The following TANC1 variants were observed in gnomAD, a reference collection of about 807,000 sequenced individuals.
TANC1 encodes the protein protein TANC1.
Under a neutral mutation model 149.7 loss-of-function variants are expected in TANC1, and 77 were observed. That is an observed-to-expected ratio of 0.51 (90% CI 0.43 to 0.62). The LOEUF (loss-of-function observed/expected upper bound fraction) is 0.62. Ranked by LOEUF, TANC1 falls within the 20% of genes least tolerant of loss-of-function variation. TANC1 has a pLI of 0.00. For missense variants in TANC1, 1,985 were observed against 2,321.8 expected (o/e 0.85, Z 2.98); for synonymous variants, 854 against 925.0 (o/e 0.92, Z 1.39).
intron 10 of TANC1, among the ~76,000 whole-genome samples, chr2:159,171,871 A>AAAGAAAAG (rs1553599448): frequency 2.8e-5 from 3 of 105,598 alleles, no homozygotes; most frequent in Non-Finnish European, 6.0e-5. Flanking sequence ...AAAAAAAAAA[A>AAAGAAAAG]AAAAGAAAAA....
At chr2:158,973,966 C>T (rs1483841058) in intron 1 of TANC1, among the ~76,000 whole-genome samples, 2 of 152,190 alleles carry the variant, frequency 1.3e-5, no homozygotes, top group African/African-American at 4.8e-5. Context: ...ATGCTTTGTT[C>T]TAAATTACTT....
chr2:159,049,541 TTAACAAGTCCCCCAGG>T (rs1454096958), intron 2 of TANC1, among the ~76,000 whole-genome samples: 1 of 152,210 alleles, frequency 6.6e-6, no homozygotes, highest in African/African-American at 2.4e-5. Flanking sequence ...AGCCTGCCTC[TTAACAAGTCCCCCAGG>T]TAACTCTGAT....
intron 1 of TANC1, among the ~76,000 whole-genome samples, chr2:158,991,948 T>C (rs980595736): frequency 1.3e-5 from 2 of 152,204 alleles, no homozygotes; most frequent in Non-Finnish European, 2.9e-5. Flanking sequence ...ACCTTTCACA[T>C]ACATTATTTC....
intron 16 of TANC1, among the ~76,000 whole-genome samples, chr2:159,190,497 C>A (rs1382588051): frequency 6.6e-6 from 1 of 152,146 alleles, no homozygotes; most frequent in South Asian, 2.1e-4. Flanking sequence ...ATTCTGTCCA[C>A]GCTGTTACTC....
chr2:159,100,134 G>A (rs1483365719), intron 4 of TANC1, among the ~76,000 whole-genome samples: 1 of 152,176 alleles, frequency 6.6e-6, no homozygotes, highest in African/African-American at 2.4e-5. Flanking sequence ...GCAGAGATTT[G>A]ACCTTTTGTA....
At chr2:159,150,816 C>T (rs1404939274) in intron 7 of TANC1, 9 of 401,804 alleles carry the variant, frequency 2.2e-5, no homozygotes, top group African/African-American at 6.1e-5. Flanking sequence ...CAGATCTGGC[C>T]TGTGAAACAA....
chr2:159,200,132 T>G (rs2058139511), intron 19 of TANC1, among the ~76,000 whole-genome samples: 1 of 152,242 alleles, frequency 6.6e-6, no homozygotes, highest in Non-Finnish European at 1.5e-5. Flanking sequence ...GGCTGCTCTA[T>G]AATTTGGTGA....
chr2:159,229,998 C>T lies in TANC1; in HGVS notation c.4572C>T (p.Leu1524=). ...LREPVAQPGL[L]LQPSKQAQIV... ...AGCCTGTGGCCCAGCCAGGGCTGCT[C>T]CTGCAGCCCTCCAAGCAGGCCCAGA... Residue 1524 remains leucine, a synonymous_variant, in exon 27 of 27, where the codon CTC becomes CTT. Coordinates refer to ENST00000263635, the MANE Select transcript of TANC1 (RefSeq NM_033394.3). 6.2e-7 allele frequency: 1 copy of T among 1,614,048 alleles called. No homozygotes were observed. Among genetic ancestry groups the T allele is most frequent in the Non-Finnish European group, 8.5e-7 (1 of 1,180,026 alleles).
intron 16 of TANC1, among the ~76,000 whole-genome samples, chr2:159,190,310 G>A (rs542849531): frequency 2.0e-5 from 3 of 152,258 alleles, no homozygotes; most frequent in African/African-American, 7.2e-5. Context: ...GAATGTAACT[G>A]GCTGGCAAAA....
chr2:159,005,389 G>C (rs2037058955), intron 2 of TANC1, among the ~76,000 whole-genome samples: 1 of 152,126 alleles, frequency 6.6e-6, no homozygotes, highest in Non-Finnish European at 1.5e-5. Flanking sequence ...TCTGGAGTTT[G>C]AGACCAGCCT....
intron 1 of TANC1, among the ~76,000 whole-genome samples, chr2:158,997,210 A>G (rs925864855): frequency 8.5e-5 from 13 of 152,184 alleles, no homozygotes; most frequent in African/African-American, 2.7e-4. Context: ...GACAGTTCCA[A>G]CGCTGCTTTA....
At chr2:159,177,920 C>T (rs1388342236) in intron 13 of TANC1, among the ~76,000 whole-genome samples, 3 of 152,124 alleles carry the variant, frequency 2.0e-5, no homozygotes, top group Non-Finnish European at 4.4e-5. Flanking sequence ...TGACACTGTG[C>T]AATTGTCATT....
chr2:159,214,532 T>G (rs1048049178), intron 19 of TANC1, among the ~76,000 whole-genome samples: 3 of 152,220 alleles, frequency 2.0e-5, no homozygotes, highest in Admixed American at 6.5e-5. Flanking sequence ...CAGCACTGAC[T>G]TCTCATGAGG....
intron 19 of TANC1, among the ~76,000 whole-genome samples, chr2:159,204,713 G>T (rs2058485584): frequency 6.6e-6 from 1 of 152,242 alleles, no homozygotes; most frequent in Non-Finnish European, 1.5e-5. Flanking sequence ...TTGGTTAAAA[G>T]TGTGACTGAA....
chr2:158,988,134 C>A (rs1214521557), intron 1 of TANC1, among the ~76,000 whole-genome samples: 2 of 151,480 alleles, frequency 1.3e-5, no homozygotes, highest in Non-Finnish European at 2.9e-5. Flanking sequence ...ACCAGCCTGG[C>A]CAACATGGTG....
intron 1 of TANC1, among the ~76,000 whole-genome samples, chr2:158,991,491 C>T (rs541788234): frequency 2.6e-5 from 4 of 151,970 alleles, no homozygotes; most frequent in Admixed American, 6.6e-5. Context: ...GGGTGGCTCA[C>T]GTCTGTAATC....
intron 2 of TANC1, chr2:159,056,280 G>T: frequency 4.5e-6 from 1 of 222,950 alleles, no homozygotes; most frequent in South Asian, 7.8e-5. Flanking sequence ...TCCAAGTACT[G>T]AGGTTTCAGG....
At chr2:159,013,890 C>T (rs2038014715) in intron 2 of TANC1, among the ~76,000 whole-genome samples, 1 of 152,146 alleles carries the variant, frequency 6.6e-6, no homozygotes, top group African/African-American at 2.4e-5. Flanking sequence ...CTTTCCTAGG[C>T]TCCGGGAGGG....
At chr2:159,068,734 C>A (rs973791126) in intron 3 of TANC1, among the ~76,000 whole-genome samples, 1 of 152,086 alleles carries the variant, frequency 6.6e-6, no homozygotes, top group Non-Finnish European at 1.5e-5. Flanking sequence ...GGTTCTTATT[C>A]TTTTGAGACA....
Sources: allele counts gnomAD v4.1 joint callset (sites outside exome capture counted in the v4.1 genomes callset), GRCh38; gene constraint gnomAD v4.1.1; transcripts MANE v1.5; gene names NCBI Gene and HGNC (gene_info 2026-07-23, HGNC 2026-07-21).